The following ZNF804B variants were observed in gnomAD, a reference collection of about 807,000 sequenced individuals.
The protein encoded by ZNF804B is zinc finger protein 804B.
In ZNF804B, 80 loss-of-function variants were observed where a neutral mutation model predicts 101.4. That is an observed-to-expected ratio of 0.79 (90% CI 0.66 to 0.95). The LOEUF (loss-of-function observed/expected upper bound fraction) is 0.95. Ranked by LOEUF, ZNF804B falls within the 40% of genes least tolerant of loss-of-function variation. ZNF804B has a pLI of 0.00. For synonymous variants in ZNF804B, 622 were observed against 558.8 expected, an observed-to-expected ratio of 1.11 and a Z score of -1.59; for missense variants, 1,673 against 1,561.9, an observed-to-expected ratio of 1.07 and a Z score of -1.20.
At chr7:89,067,846 CAG>C (rs1474248759) in intron 1 of ZNF804B, among the ~76,000 whole-genome samples, 6 of 118,180 alleles carry the variant, frequency 5.1e-5, no homozygotes, top group Non-Finnish European at 1.0e-4. Context: ...TTTTTTGAGA[CAG>C]AGTCTTACTC....
intron 1 of ZNF804B, among the ~76,000 whole-genome samples, chr7:88,935,785 A>AG (rs1792959558): frequency 1.3e-5 from 2 of 151,874 alleles, no homozygotes; most frequent in Non-Finnish European, 2.9e-5. Context: ...TTACTAAAAA[A>AG]ATTTTTTTAT....
chr7:89,082,210 GA>G (rs1176307333), intron 1 of ZNF804B, among the ~76,000 whole-genome samples: 2 of 151,612 alleles, frequency 1.3e-5, no homozygotes, highest in East Asian at 3.9e-4. Flanking sequence ...AATGCCAAAT[GA>G]CAACTCAACA....
At chr7:88,940,793 A>AAT (rs1285719486) in intron 1 of ZNF804B, among the ~76,000 whole-genome samples, 1 of 147,510 alleles carries the variant, frequency 6.8e-6, no homozygotes, top group African/African-American at 2.5e-5. Flanking sequence ...TAATAATAAT[A>AAT]ATAATAATAA....
chr7:88,876,492 TGTCA>T (rs763913213), intron 1 of ZNF804B, among the ~76,000 whole-genome samples: 2 of 152,306 alleles, frequency 1.3e-5, no homozygotes. Flanking sequence ...AATATCTGTC[TGTCA>T]TTTATTCAGT....
chr7:89,018,661 T>A (rs1016489809), intron 1 of ZNF804B, among the ~76,000 whole-genome samples: 1 of 152,006 alleles, frequency 6.6e-6, no homozygotes, highest in Admixed American at 6.6e-5. Context: ...ATGGTTTTTG[T>A]TATTGACTCA....
intron 1 of ZNF804B, among the ~76,000 whole-genome samples, chr7:88,812,139 A>C (rs1032829936): frequency 3.3e-5 from 5 of 152,214 alleles, no homozygotes; most frequent in Admixed American, 1.3e-4. Flanking sequence ...TATAGATTTC[A>C]TGGTATAATA....
intron 1 of ZNF804B, among the ~76,000 whole-genome samples, chr7:88,859,551 A>C (rs2115852800): frequency 6.6e-6 from 1 of 152,196 alleles, no homozygotes; most frequent in Admixed American, 6.6e-5. Context: ...CTCTTTCATT[A>C]GTTTGAATAA....
At chr7:88,908,713 A>T (rs1017296973) in intron 1 of ZNF804B, among the ~76,000 whole-genome samples, 1 of 151,796 alleles carries the variant, frequency 6.6e-6, no homozygotes, top group Admixed American at 6.6e-5. Flanking sequence ...TTTTTTGCTC[A>T]CTGCAAGTGT....
At chr7:89,177,238 A>G (rs1007736157) in intron 1 of ZNF804B, among the ~76,000 whole-genome samples, 22 of 152,194 alleles carry the variant, frequency 1.4e-4, no homozygotes, top group African/African-American at 5.3e-4. Context: ...CTTTTTTGAC[A>G]TAAGCACTTA....
intron 1 of ZNF804B, among the ~76,000 whole-genome samples, chr7:88,851,229 A>G (rs1004362160): frequency 6.6e-6 from 1 of 152,110 alleles, no homozygotes; most frequent in African/African-American, 2.4e-5. Context: ...ATCTCAAGGA[A>G]TAATAGCTGA....
chr7:89,264,057 C>T (rs1431068490), intron 2 of ZNF804B, among the ~76,000 whole-genome samples: 1 of 152,138 alleles, frequency 6.6e-6, no homozygotes, highest in African/African-American at 2.4e-5. Flanking sequence ...TAAAACCTTC[C>T]TTAATTTCCT....
At chr7:89,076,904 C>A (rs77703545) in intron 1 of ZNF804B, among the ~76,000 whole-genome samples, 135 of 152,136 alleles carry the variant, frequency 8.9e-4, no homozygotes, top group African/African-American at 3.1e-3. Flanking sequence ...GGGAATGAAC[C>A]TCAGGGCAAT....
intron 2 of ZNF804B, among the ~76,000 whole-genome samples, chr7:89,222,179 A>G (rs1789014844): frequency 6.6e-6 from 1 of 151,988 alleles, no homozygotes; most frequent in Admixed American, 6.6e-5. Context: ...TCTATGAAGA[A>G]GCAAATGATT....
At chr7:89,071,995 A>G (rs1006146077) in intron 1 of ZNF804B, among the ~76,000 whole-genome samples, 1 of 152,208 alleles carries the variant, frequency 6.6e-6, no homozygotes, top group Non-Finnish European at 1.5e-5. Flanking sequence ...CAGGTGATAA[A>G]AATGGGAAAG....
chr7:89,064,318 C>G (rs936336100), intron 1 of ZNF804B, among the ~76,000 whole-genome samples: 1 of 152,144 alleles, frequency 6.6e-6, no homozygotes, highest in Non-Finnish European at 1.5e-5. Context: ...AGCTGACTAT[C>G]CACTGACAGC....
intron 1 of ZNF804B, among the ~76,000 whole-genome samples, chr7:88,806,515 C>T (rs148056357): frequency 6.6e-6 from 1 of 152,020 alleles, no homozygotes; most frequent in East Asian, 1.9e-4. Flanking sequence ...GAGAAATAGC[C>T]TGGCCTAGTC....
chr7:89,322,649 T>C (rs38964), intron 2 of ZNF804B, among the ~76,000 whole-genome samples: 79,335 of 151,920 alleles, frequency 0.52, 21,414 homozygotes, highest in East Asian at 0.81. Context: ...AACAATGTTT[T>C]GACAATTAAA....
intron 1 of ZNF804B, among the ~76,000 whole-genome samples, chr7:89,175,983 T>C (rs535689528): frequency 2.8e-4 from 43 of 152,018 alleles, no homozygotes; most frequent in Non-Finnish European, 4.7e-4. Flanking sequence ...TTTTCCCAAA[T>C]ATAAGATCAT....
chr7:89,170,447 C>A (rs76586079), intron 1 of ZNF804B, among the ~76,000 whole-genome samples: 4,444 of 152,166 alleles, frequency 0.029, 184 homozygotes, highest in African/African-American at 0.099. Context: ...TGTTAATAAA[C>A]CTATGAAATG....
Sources: gnomAD v4.1 joint callset for allele counts (sites outside exome capture counted in the v4.1 genomes callset) on GRCh38, gnomAD v4.1.1 for gene constraint, MANE v1.5 for transcripts, NCBI Gene and HGNC (gene_info 2026-07-23, HGNC 2026-07-21) for gene names.